The following TMEM132D variants were observed in gnomAD, a reference collection of about 807,000 sequenced individuals.
TMEM132D encodes transmembrane protein 132D, also known as mature OL transmembrane protein.
A neutral mutation model predicts 62.3 loss-of-function variants in TMEM132D; 21 were observed. The ratio of observed to expected loss-of-function variants is 0.34; its 90% CI spans 0.24 to 0.49. The LOEUF (loss-of-function observed/expected upper bound fraction) is 0.49, where lower values mean the gene tolerates loss of function less well. Ranked by LOEUF, TMEM132D falls within the 20% of genes least tolerant of loss-of-function variation. TMEM132D has a pLI of 0.99. For missense variants in TMEM132D, 1,346 were observed against 1,402.8 expected, an observed-to-expected ratio of 0.96 and a Z score of 0.65; for synonymous variants, 621 against 575.6, an observed-to-expected ratio of 1.08 and a Z score of -1.13.
At chr12:129,455,575 G>C (rs1873438588) in intron 3 of TMEM132D, among the ~76,000 whole-genome samples, 1 of 152,208 alleles carries the variant, frequency 6.6e-6, no homozygotes, top group Non-Finnish European at 1.5e-5. Flanking sequence ...AGCTGGGGAA[G>C]GCTTCTAAGG....
chr12:129,236,886 T>C (rs1355986046), intron 4 of TMEM132D, among the ~76,000 whole-genome samples: 1 of 152,206 alleles, frequency 6.6e-6, no homozygotes, highest in Non-Finnish European at 1.5e-5. Flanking sequence ...CTGTATTATG[T>C]TGAGGTAAAT....
intron 1 of TMEM132D, among the ~76,000 whole-genome samples, chr12:129,770,147 T>TTTG (rs1870692434): frequency 7.1e-6 from 1 of 140,100 alleles, no homozygotes; most frequent in Non-Finnish European, 1.6e-5. Flanking sequence ...TTGGTTGTTT[T>TTTG]TTTTTTTTTT....
chr12:129,301,321 G>C (rs1434600191), intron 4 of TMEM132D, among the ~76,000 whole-genome samples: 1 of 152,040 alleles, frequency 6.6e-6, no homozygotes, highest in Non-Finnish European at 1.5e-5. Flanking sequence ...TCAGGAGTTT[G>C]TATACAGCAC....
intron 5 of TMEM132D, among the ~76,000 whole-genome samples, chr12:129,171,821 G>T (rs1191632986): frequency 2.0e-5 from 3 of 152,176 alleles, no homozygotes; most frequent in African/African-American, 7.2e-5. Context: ...TGCGATACAG[G>T]CTTTGTGGTT....
At chr12:129,842,243 C>A (rs932897081) in intron 1 of TMEM132D, among the ~76,000 whole-genome samples, 28 of 151,840 alleles carry the variant, frequency 1.8e-4, no homozygotes, top group Admixed American at 1.6e-3. Flanking sequence ...CCACCGCGCC[C>A]GGCCAGCACT....
chr12:129,450,484 G>C (rs1161289320), intron 3 of TMEM132D, among the ~76,000 whole-genome samples: 1 of 152,042 alleles, frequency 6.6e-6, no homozygotes, highest in Non-Finnish European at 1.5e-5. Flanking sequence ...AATGATGCTT[G>C]GATTTCATAG....
intron 2 of TMEM132D, among the ~76,000 whole-genome samples, chr12:129,657,337 A>G (rs1880114277): frequency 6.6e-6 from 1 of 152,128 alleles, no homozygotes; most frequent in Non-Finnish European, 1.5e-5. Flanking sequence ...ATGGGATAGG[A>G]TGGGGCTGAT....
chr12:129,174,533 T>C (rs1367490675), intron 5 of TMEM132D, among the ~76,000 whole-genome samples: 1 of 152,198 alleles, frequency 6.6e-6, no homozygotes, highest in Admixed American at 6.5e-5. Flanking sequence ...GTGCTGCAAT[T>C]AACATACATG....
At chr12:129,391,528 C>G (rs1871289466) in intron 3 of TMEM132D, among the ~76,000 whole-genome samples, 1 of 152,170 alleles carries the variant, frequency 6.6e-6, no homozygotes, top group Non-Finnish European at 1.5e-5. Flanking sequence ...ACGGGCGGTG[C>G]CTGGACAAGC....
chr12:129,439,732 G>A (rs1375764532), intron 3 of TMEM132D, among the ~76,000 whole-genome samples: 5 of 152,246 alleles, frequency 3.3e-5, no homozygotes, highest in Middle Eastern at 3.4e-3. Flanking sequence ...TACTACAGGC[G>A]TGAGCCACTG....
At chr12:129,807,255 G>C (rs1872022441) in intron 1 of TMEM132D, among the ~76,000 whole-genome samples, 1 of 152,124 alleles carries the variant, frequency 6.6e-6, no homozygotes, top group African/African-American at 2.4e-5. Context: ...AGGGAGCGGA[G>C]TCCACCCGCA....
chr12:129,416,519 CTCTT>C (rs1872125000), intron 3 of TMEM132D, among the ~76,000 whole-genome samples: 1 of 152,172 alleles, frequency 6.6e-6, no homozygotes, highest in African/African-American at 2.4e-5. Context: ...TTGACCTCCT[CTCTT>C]TCTATTTGAA....
chr12:129,074,976 C>A lies in TMEM132D; in HGVS notation c.2199G>T (p.Leu733Phe). The change falls in exon 9 of 9, where the codon TTG (leucine) becomes TTT (phenylalanine). Residue 733 changes from leucine to phenylalanine, a missense_variant. By Grantham distance (22) the Leu-to-Phe change is conservative (BLOSUM62 0). Transcript: ENST00000422113. ...CCTTCTCATCCAAAGATGTGGCCAT[C>A]AAGGAGAAGTCTTTCCCATCGTAAA... ...LDIYDGKDFS[L>F]MATSLDEKVV... The A allele has an allele frequency of 1.2e-6, 2 of 1,613,950 alleles. No individual in the cohort carries two copies. Among genetic ancestry groups the A allele is most frequent in the Non-Finnish European group, 1.7e-6 (2 of 1,180,016 alleles).
At chr12:129,712,490 C>T (rs1340314992) in intron 1 of TMEM132D, among the ~76,000 whole-genome samples, 4 of 152,246 alleles carry the variant, frequency 2.6e-5, no homozygotes, top group Admixed American at 1.3e-4. Context: ...TCCAAGTCTC[C>T]CTTGCAGGTG....
At chr12:129,828,758 A>AGGAG (rs1444188431) in intron 1 of TMEM132D, among the ~76,000 whole-genome samples, 5 of 9,976 alleles carry the variant, frequency 5.0e-4, no homozygotes, top group South Asian at 3.3e-3. Context: ...GAGGGAGGAA[A>AGGAG]GGAGGGAGGG....
chr12:129,694,718 T>C (rs952663141), intron 2 of TMEM132D, among the ~76,000 whole-genome samples: 1 of 152,180 alleles, frequency 6.6e-6, no homozygotes, highest in African/African-American at 2.4e-5. Flanking sequence ...GGTCTATAAA[T>C]GTGTTCTGGG....
At position 129,288,582 on chromosome 12, in the gene TMEM132D, T is replaced by A. The variant is rs568068138; in HGVS notation, c.1299+49052A>T. Among the ~76,000 whole-genome samples, 4 of 152,322 alleles carry A rather than the reference T, an allele frequency of 2.6e-5. No individual in the cohort carries two copies. The South Asian group carries it at 8.3e-4, about 32-fold the overall frequency. On this transcript the variant is annotated intron_variant, in intron 4 of 8. Transcript: ENST00000422113. Reference sequence around the variant, plus strand: ...CATCTCATGCCTGTTAGGATGGTTATTATTATGAAGACAAAGACAGCAAGC... The same window carrying A: ...CATCTCATGCCTGTTAGGATGGTTAATATTATGAAGACAAAGACAGCAAGC...
chr12:129,542,946 A>G lies in TMEM132D; in HGVS notation c.969-11741T>C, dbSNP rs576811792. On this transcript the variant is annotated intron_variant, in intron 2 of 8. Coordinates refer to ENST00000422113, the MANE Select transcript of TMEM132D (RefSeq NM_133448.3). ...GGTTTGCAGCCTAGAGCAATAGGCT[A>G]TACCATACAGTCTAGGTGTGGAGTA... 9.2e-5 allele frequency among the ~76,000 whole-genome samples: 14 copies of G among 152,190 alleles called. No individual in the cohort carries two copies. The East Asian group carries it at 1.9e-3, about 21-fold the overall frequency.
intron 5 of TMEM132D, among the ~76,000 whole-genome samples, chr12:129,172,998 T>C (rs1391808975): frequency 1.3e-5 from 2 of 152,192 alleles, no homozygotes; most frequent in African/African-American, 2.4e-5. Context: ...GTTTGCCATC[T>C]TCTATGGGTG....
Sources: allele counts gnomAD v4.1 joint callset (sites outside exome capture counted in the v4.1 genomes callset), GRCh38; gene constraint gnomAD v4.1.1; transcripts MANE v1.5; gene names NCBI Gene and HGNC (gene_info 2026-07-23, HGNC 2026-07-21).